Variants in C1orf105 observed in about 807,000 individuals in gnomAD.
The protein encoded by C1orf105 is chromosome 1 open reading frame 105.
Under a neutral mutation model 20.8 loss-of-function variants are expected in C1orf105, and 17 were observed. The observed-to-expected ratio is 0.82, with a 90% CI of 0.56 to 1.23. The LOEUF is 1.23. Among genes scored for constraint, C1orf105 ranks in the 50% most tolerant of loss-of-function variants. The pLI is 0.00. For missense variants in C1orf105, 219 were observed against 213.5 expected (o/e 1.03, Z -0.16); for synonymous variants, 72 against 72.1 (o/e 1.00, Z 0.01).
intron 3 of C1orf105, chr1:172,452,964 A>G: frequency 6.5e-7 from 1 of 1,546,264 alleles, no homozygotes; most frequent in Non-Finnish European, 8.7e-7. Flanking sequence ...AAGGGAATGC[A>G]ACAGAAGAAA....
At chr1:172,453,120 C>T (rs1219393509) in intron 3 of C1orf105, 1 of 1,550,992 alleles carries the variant, frequency 6.4e-7, no homozygotes, top group Non-Finnish European at 8.7e-7. Context: ...TCAATGCCCT[C>T]ATCCCTTCTC....
intron 1 of C1orf105, among the ~76,000 whole-genome samples, chr1:172,433,767 T>C (rs917293323): frequency 6.6e-6 from 1 of 152,170 alleles, no homozygotes; most frequent in Non-Finnish European, 1.5e-5. Flanking sequence ...TAACTTTAAA[T>C]GTAAATGGTC....
At chr1:172,436,471 G>T (rs967529863) in intron 1 of C1orf105, among the ~76,000 whole-genome samples, 1 of 152,174 alleles carries the variant, frequency 6.6e-6, no homozygotes, top group African/African-American at 2.4e-5. Flanking sequence ...TGACAAACCT[G>T]ACCAAAACAA....
chr1:172,456,343 G>A, intron 3 of C1orf105, 72 bp from the exon 4 acceptor site: 1 of 1,330,450 alleles, frequency 7.5e-7, no homozygotes, highest in Non-Finnish European at 1.1e-6. Flanking sequence ...CCCCTCCACT[G>A]CTTTCCTACA....
At chr1:172,449,852 C>T (rs1648418138) in intron 3 of C1orf105, among the ~76,000 whole-genome samples, 1 of 152,202 alleles carries the variant, frequency 6.6e-6, no homozygotes, top group Non-Finnish European at 1.5e-5. Flanking sequence ...AGAAGCCTTC[C>T]AGTCATCAAG....
chr1:172,441,603 G>A (rs1305544493), intron 1 of C1orf105: 3 of 871,834 alleles, frequency 3.4e-6, no homozygotes, highest in Non-Finnish European at 5.1e-6. Flanking sequence ...ATTTTTTTTG[G>A]TTTTGATCTC....
At chr1:172,457,795 T>G (rs1030472491) in intron 4 of C1orf105, among the ~76,000 whole-genome samples, 11 of 152,204 alleles carry the variant, frequency 7.2e-5, no homozygotes, top group East Asian at 3.8e-4. Context: ...TGCTGCAATT[T>G]TACCATTTAT....
intron 3 of C1orf105, among the ~76,000 whole-genome samples, chr1:172,449,801 G>A (rs975774032): frequency 5.3e-5 from 8 of 152,190 alleles, no homozygotes; most frequent in African/African-American, 1.7e-4. Flanking sequence ...GGGGATGAGC[G>A]GGGAGGCAGG....
intron 1 of C1orf105, among the ~76,000 whole-genome samples, chr1:172,427,596 C>G (rs2071755395): frequency 6.6e-6 from 1 of 152,166 alleles, no homozygotes; most frequent in South Asian, 2.1e-4. Context: ...AAAACCTGCT[C>G]TTTTAAATGT....
chr1:172,435,601 T>G (rs977748467), intron 1 of C1orf105, among the ~76,000 whole-genome samples: 2 of 152,154 alleles, frequency 1.3e-5, no homozygotes, highest in Non-Finnish European at 2.9e-5. Context: ...TATCTCAAAA[T>G]AATAAGAGCT....
intron 1 of C1orf105, among the ~76,000 whole-genome samples, chr1:172,421,344 CTT>C (rs1343511440): frequency 6.6e-6 from 1 of 152,088 alleles, no homozygotes. Context: ...CTTGTATAGA[CTT>C]TTATAATTAC....
intron 1 of C1orf105, among the ~76,000 whole-genome samples, chr1:172,427,330 T>TA (rs2071749074): frequency 6.6e-6 from 1 of 152,230 alleles, no homozygotes; most frequent in Non-Finnish European, 1.5e-5. Flanking sequence ...CTTGTGCACT[T>TA]ATGTACTCCA....
chr1:172,447,033 G>A (rs1422006557), intron 2 of C1orf105, among the ~76,000 whole-genome samples: 2 of 152,186 alleles, frequency 1.3e-5, no homozygotes, highest in African/African-American at 4.8e-5. Flanking sequence ...CTCTCAGGAG[G>A]ACAAGACGGG....
In C1orf105 at chr1:172,424,598, C is replaced by T. The variant is rs1436704248; in HGVS notation, c.21+3692C>T. Among the ~76,000 whole-genome samples, 3 of 152,124 alleles carry T rather than the reference C, an allele frequency of 2.0e-5. No homozygotes were observed. In the East Asian group the frequency reaches 5.8e-4, roughly 29 times the overall value. ...TAGAGATGGGGTTTCACAATGTTGG[C>T]CAGGCTGGTCTTAAACTCCTGACCT... On this transcript the variant is annotated intron_variant, in intron 1 of 6. Coordinates refer to ENST00000367727, the MANE Select transcript of C1orf105 (RefSeq NM_139240.4).
At chr1:172,453,144 A>G in intron 3 of C1orf105, 1 of 1,551,062 alleles carries the variant, frequency 6.4e-7, no homozygotes, top group African/African-American at 1.4e-5. Flanking sequence ...ATAGAAATGG[A>G]GCAGCTCTTC....
At chr1:172,433,714 G>A (rs138733225) in intron 1 of C1orf105, among the ~76,000 whole-genome samples, 34 of 152,160 alleles carry the variant, frequency 2.2e-4, no homozygotes, top group Non-Finnish European at 1.8e-4. Context: ...AAGATATCCA[G>A]CTAACATCAC....
At chr1:172,425,494 C>A (rs913455448) in intron 1 of C1orf105, among the ~76,000 whole-genome samples, 1 of 152,096 alleles carries the variant, frequency 6.6e-6, no homozygotes, top group African/African-American at 2.4e-5. Context: ...AGCTAGCAGG[C>A]CCAACAAGCC....
At chr1:172,441,132 C>T (rs1050699477) in intron 1 of C1orf105, among the ~76,000 whole-genome samples, 5 of 152,214 alleles carry the variant, frequency 3.3e-5, no homozygotes, top group Non-Finnish European at 7.3e-5. Flanking sequence ...CTTCTGAATT[C>T]CCCCTAGCAT....
At chr1:172,428,746 T>G (rs1330414794) in intron 1 of C1orf105, 1 of 672,800 alleles carries the variant, frequency 1.5e-6, no homozygotes, top group African/African-American at 1.8e-5. Flanking sequence ...CCTCCTGCTA[T>G]AATGTCAGCT....
Sources: gnomAD v4.1 joint callset for allele counts (sites outside exome capture counted in the v4.1 genomes callset) on GRCh38, gnomAD v4.1.1 for gene constraint, MANE v1.5 for transcripts, NCBI Gene and HGNC (gene_info 2026-07-23, HGNC 2026-07-21) for gene names.